Variants in CNTN5 observed in about 807,000 individuals in gnomAD.
The protein encoded by CNTN5 is contactin 5, also known as contactin-5.
In CNTN5, 77 loss-of-function variants were observed where a neutral mutation model predicts 129.1. The observed-to-expected ratio is 0.60, with a 90% CI of 0.50 to 0.72. The LOEUF (loss-of-function observed/expected upper bound fraction) is 0.72, where lower values mean the gene tolerates loss of function less well. Among genes scored for constraint, CNTN5 ranks in the 30% least tolerant of loss-of-function variants. The pLI is 0.00. For missense variants in CNTN5, 1,478 were observed against 1,328.8 expected (o/e 1.11, Z -1.75); for synonymous variants, 509 against 465.6 (o/e 1.09, Z -1.20).
chr11:99,537,544 C>T (rs962316232), intron 2 of CNTN5, among the ~76,000 whole-genome samples: 1 of 152,080 alleles, frequency 6.6e-6, no homozygotes, highest in African/African-American at 2.4e-5. Flanking sequence ...ACTAAGCACC[C>T]TTCTTCGCTT....
At chr11:99,377,635 T>C (rs1311730290) in intron 2 of CNTN5, among the ~76,000 whole-genome samples, 1 of 152,126 alleles carries the variant, frequency 6.6e-6, no homozygotes. Flanking sequence ...ACTTCATCGC[T>C]ACTCTCACAA....
At chr11:99,079,097 A>C (rs769836245) in intron 1 of CNTN5, among the ~76,000 whole-genome samples, 7 of 152,108 alleles carry the variant, frequency 4.6e-5, no homozygotes, top group Non-Finnish European at 1.0e-4. Flanking sequence ...AAATTAACAA[A>C]ATACAATAAC....
intron 1 of CNTN5, among the ~76,000 whole-genome samples, chr11:99,024,250 A>G (rs1316748767): frequency 1.3e-5 from 2 of 152,178 alleles, no homozygotes; most frequent in Non-Finnish European, 2.9e-5. Flanking sequence ...TCAAATGTGT[A>G]TTGTTAGAAG....
At chr11:100,188,383 G>T (rs1448698845) in intron 13 of CNTN5, among the ~76,000 whole-genome samples, 1 of 152,114 alleles carries the variant, frequency 6.6e-6, no homozygotes, top group East Asian at 1.9e-4. Flanking sequence ...GCTGCAGCGA[G>T]CTGTGATTGC....
At chr11:99,643,899 A>G (rs1407395505) in intron 3 of CNTN5, among the ~76,000 whole-genome samples, 1 of 152,206 alleles carries the variant, frequency 6.6e-6, no homozygotes, top group Non-Finnish European at 1.5e-5. Flanking sequence ...GAAACAATAT[A>G]TGTGGCTTTA....
chr11:100,090,279 A>T (rs1944705968), intron 13 of CNTN5, among the ~76,000 whole-genome samples: 1 of 152,104 alleles, frequency 6.6e-6, no homozygotes, highest in South Asian at 2.1e-4. Context: ...ATTCACCTTG[A>T]GAACTAGAGA....
intron 1 of CNTN5, among the ~76,000 whole-genome samples, chr11:99,170,568 A>G (rs559187803): frequency 6.6e-6 from 1 of 152,328 alleles, no homozygotes; most frequent in Admixed American, 6.5e-5. Flanking sequence ...TAAAAAGGAT[A>G]TAATGAATAT....
chr11:99,061,205 G>C (rs1272650924), intron 1 of CNTN5, among the ~76,000 whole-genome samples: 1 of 152,100 alleles, frequency 6.6e-6, no homozygotes, highest in Non-Finnish European at 1.5e-5. Context: ...GAGGGAGAGG[G>C]AAACACTTTG....
intron 12 of CNTN5, 24 bp downstream of exon 12, chr11:100,071,858 A>G (rs1436093810): frequency 6.5e-7 from 1 of 1,549,546 alleles, no homozygotes; most frequent in Non-Finnish European, 8.7e-7. Flanking sequence ...AAGTGAATAA[A>G]TTGAAAAAAA....
chr11:99,744,080 G>A (rs1349739515), intron 3 of CNTN5, among the ~76,000 whole-genome samples: 1 of 151,968 alleles, frequency 6.6e-6, no homozygotes, highest in Non-Finnish European at 1.5e-5. Flanking sequence ...ATGGGGGAGG[G>A]GGAAGACATA....
chr11:99,276,426 G>A (rs750885449), intron 1 of CNTN5, among the ~76,000 whole-genome samples: 11 of 151,352 alleles, frequency 7.3e-5, no homozygotes, highest in Non-Finnish European at 1.3e-4. Context: ...TTTGAATTTC[G>A]AATAGCATCT....
At chr11:99,098,332 T>C (rs1565315238) in intron 1 of CNTN5, among the ~76,000 whole-genome samples, 1 of 152,092 alleles carries the variant, frequency 6.6e-6, no homozygotes, top group Non-Finnish European at 1.5e-5. Context: ...AGAAGCGACA[T>C]AGTTGACAAA....
chr11:100,050,082 C>T (rs557747814), intron 9 of CNTN5, among the ~76,000 whole-genome samples: 48 of 152,240 alleles, frequency 3.2e-4, no homozygotes, highest in Admixed American at 1.1e-3. Context: ...CCTCAGGGAT[C>T]TAGAACTAGA....
At chr11:100,017,285 A>G (rs1940877708) in intron 9 of CNTN5, among the ~76,000 whole-genome samples, 1 of 152,038 alleles carries the variant, frequency 6.6e-6, no homozygotes, top group African/African-American at 2.4e-5. Flanking sequence ...TCAAGCCTCC[A>G]CTTCATGTCA....
At chr11:100,156,249 A>G (rs1004242542) in intron 13 of CNTN5, among the ~76,000 whole-genome samples, 7 of 152,102 alleles carry the variant, frequency 4.6e-5, no homozygotes, top group African/African-American at 1.7e-4. Context: ...TTCTGCATCT[A>G]TTGAGATAAT....
chr11:99,033,100 G>T (rs1377291816), intron 1 of CNTN5, among the ~76,000 whole-genome samples: 1 of 149,110 alleles, frequency 6.7e-6, no homozygotes, highest in African/African-American at 2.5e-5. Flanking sequence ...TTATTTCTGA[G>T]GGCTCTGTTC....
chr11:99,511,972 A>C (rs1281534072), intron 2 of CNTN5, among the ~76,000 whole-genome samples: 3 of 152,132 alleles, frequency 2.0e-5, no homozygotes, highest in Non-Finnish European at 2.9e-5. Context: ...TTTATAAAGT[A>C]AATTAATTAC....
rs34768290 is a variant in CNTN5 at position 99,679,197 on chromosome 11, A to AATATAT, written c.55+122938_55+122943dup. Among the ~76,000 whole-genome samples the AATATAT allele has an allele frequency of 3.7e-3, 539 of 146,084 alleles. 2 individuals carry two copies. The highest frequency in any genetic ancestry group is 0.012 in the African/African-American group (503 of 40,322). On this transcript the variant is annotated intron_variant, in intron 3 of 24. Transcript: ENST00000524871. ...ATATATAAATATTTTATATATAGGG[A>AATATAT]ATATATATATATATAAAGAGATTAT...
chr11:99,925,217 G>A, intron 7 of CNTN5, among the ~76,000 whole-genome samples: 1 of 152,144 alleles, frequency 6.6e-6, no homozygotes, highest in East Asian at 1.9e-4. Flanking sequence ...GGATCTCAGA[G>A]GGAAGGAAAA....
Sources: gnomAD v4.1 joint callset for allele counts (sites outside exome capture counted in the v4.1 genomes callset) on GRCh38, gnomAD v4.1.1 for gene constraint, MANE v1.5 for transcripts, NCBI Gene and HGNC (gene_info 2026-07-23, HGNC 2026-07-21) for gene names.